Variants in DOK5 observed in about 807,000 individuals in gnomAD.
The protein encoded by DOK5 is downstream of tyrosine kinase 5.
In DOK5, 27 loss-of-function variants were observed where a neutral mutation model predicts 43.3. The observed-to-expected ratio is 0.62, with a 90% CI of 0.46 to 0.86. The LOEUF is 0.86. Ranked by LOEUF, DOK5 falls within the 40% of genes least tolerant of loss-of-function variation. The pLI is 0.00. For missense variants in DOK5, 373 were observed against 392.9 expected (o/e 0.95, Z 0.43); for synonymous variants, 146 against 140.1 (o/e 1.04, Z -0.30).
At chr20:54,487,415 G>T (rs984291718) in intron 1 of DOK5, among the ~76,000 whole-genome samples, 12 of 152,010 alleles carry the variant, frequency 7.9e-5, no homozygotes, top group African/African-American at 2.9e-4. Context: ...AGATAAGAAT[G>T]TGTGCTTCCT....
chr20:54,624,772 C>T (rs1273637243), intron 6 of DOK5, among the ~76,000 whole-genome samples: 1 of 152,184 alleles, frequency 6.6e-6, no homozygotes, highest in Non-Finnish European at 1.5e-5. Flanking sequence ...TGATGCAAAT[C>T]ACTTTCATTC....
At chr20:54,542,117 C>G (rs914885278) in intron 1 of DOK5, among the ~76,000 whole-genome samples, 14 of 151,624 alleles carry the variant, frequency 9.2e-5, no homozygotes, top group African/African-American at 2.9e-4. Flanking sequence ...CACACACACA[C>G]ACACACACAC....
intron 6 of DOK5, among the ~76,000 whole-genome samples, chr20:54,641,461 C>G (rs978388445): frequency 1.3e-5 from 2 of 151,354 alleles, no homozygotes; most frequent in Non-Finnish European, 2.9e-5. Flanking sequence ...GGGATGTGTA[C>G]AGTGGAGACT....
At chr20:54,602,224 C>T (rs964349160) in intron 5 of DOK5, among the ~76,000 whole-genome samples, 2 of 152,202 alleles carry the variant, frequency 1.3e-5, no homozygotes, top group African/African-American at 4.8e-5. Context: ...ATACAAAATG[C>T]AATCTCTCAC....
chr20:54,560,490 G>C (rs551895946), intron 2 of DOK5, among the ~76,000 whole-genome samples: 2 of 152,284 alleles, frequency 1.3e-5, no homozygotes, highest in East Asian at 3.9e-4. Flanking sequence ...GTTGACTGTA[G>C]TACAAAACAC....
intron 6 of DOK5, among the ~76,000 whole-genome samples, chr20:54,619,212 T>G (rs1359484141): frequency 6.8e-6 from 1 of 147,506 alleles, no homozygotes; most frequent in Non-Finnish European, 1.5e-5. Context: ...CTAAAGGGGG[T>G]GCTGGAAGAA....
chr20:54,643,587 G>T lies in DOK5; in HGVS notation c.856+9G>T. The T allele has an allele frequency of 6.2e-7, 1 of 1,610,670 alleles. No individual in the cohort carries two copies. On this transcript the variant is annotated intron_variant, in intron 7 of 7. Coordinates refer to ENST00000262593, the MANE Select transcript of DOK5 (RefSeq NM_018431.5). The stretch of plus-strand genomic sequence containing the variant: ...GCTCTACCGCTTGCAAGGTAAGCGT[G>T]GGGCTACCTGTGTCCAGGGTGTGGG...
In DOK5 at chr20:54,589,851, A is replaced by T. The variant is rs1985927164; in HGVS notation, c.409+1045A>T. On this transcript the variant is annotated intron_variant, in intron 4 of 7. Coordinates refer to ENST00000262593, the MANE Select transcript of DOK5 (RefSeq NM_018431.5). Reference sequence around the variant, plus strand: ...CATAACCCATCTCCATGGAAATGTTATTGACCGAGACCTAGAAGCCCTGGG... The same window carrying T: ...CATAACCCATCTCCATGGAAATGTTTTTGACCGAGACCTAGAAGCCCTGGG... Among the ~76,000 whole-genome samples the T allele has an allele frequency of 2.0e-5, 3 of 152,124 alleles. 1 individual carries two copies. The South Asian group carries it at 6.2e-4, about 32-fold the overall frequency.
chr20:54,617,900 C>T (rs140926384), intron 6 of DOK5, among the ~76,000 whole-genome samples: 122 of 152,284 alleles, frequency 8.0e-4, no homozygotes, highest in African/African-American at 2.8e-3. Flanking sequence ...ATTTTTCAGG[C>T]CTCCTACAAT....
intron 1 of DOK5, among the ~76,000 whole-genome samples, chr20:54,551,408 G>C (rs1018309508): frequency 1.2e-4 from 18 of 152,080 alleles, no homozygotes; most frequent in African/African-American, 4.3e-4. Flanking sequence ...ATTTTGATGA[G>C]GTCCAGTTTT....
rs193276482 is a variant in DOK5 at position 54,634,122 on chromosome 20, T to C, written c.736-9336T>C. On this transcript the variant is annotated intron_variant, in intron 6 of 7. Coordinates refer to ENST00000262593, the MANE Select transcript of DOK5 (RefSeq NM_018431.5). ...TGCATTTGGCAGGTATGGCAGACAG[T>C]TGTTTTTCTTTTCTCAGTGACAAGC... Among the ~76,000 whole-genome samples the C allele has an allele frequency of 3.2e-4, 48 of 152,260 alleles. 2 individuals carry two copies. Among genetic ancestry groups the C allele is most frequent in the Admixed American group, 1.6e-3 (25 of 15,286 alleles).
At chr20:54,546,951 G>T (rs1234839660) in intron 1 of DOK5, among the ~76,000 whole-genome samples, 1 of 152,118 alleles carries the variant, frequency 6.6e-6, no homozygotes, top group Non-Finnish European at 1.5e-5. Context: ...TAGAATCTTG[G>T]CTTATGGGGA....
Position 54,549,125 on chromosome 20 carries a change from G to A in DOK5, c.67-5808G>A, listed in dbSNP as rs11906709. On this transcript the variant is annotated intron_variant, in intron 1 of 7. Transcript: ENST00000262593. ...GGCAGCCCCAAGAGGGAGACACAGC[G>A]TCGTCTGAAAGTACTTTATAAATAT... Among the ~76,000 whole-genome samples the A allele has an allele frequency of 1.5e-3, 228 of 152,312 alleles. 1 individual carries two copies. Among genetic ancestry groups the A allele is most frequent in the African/African-American group, 3.5e-3 (144 of 41,560 alleles).
chr20:54,636,422 T>G (rs1978826443), intron 6 of DOK5, among the ~76,000 whole-genome samples: 1 of 152,202 alleles, frequency 6.6e-6, no homozygotes, highest in African/African-American at 2.4e-5. Flanking sequence ...TTCCTGCAAA[T>G]AATATCACTA....
At chr20:54,575,128 AACAG>A (rs1985411558) in intron 2 of DOK5, among the ~76,000 whole-genome samples, 1 of 152,244 alleles carries the variant, frequency 6.6e-6, no homozygotes, top group Non-Finnish European at 1.5e-5. Flanking sequence ...ACTGTGGAAA[AACAG>A]ACAGATCTAG....
chr20:54,476,154 TC>T, intron 1 of DOK5, 142 bp downstream of exon 1: 1 of 1,520,114 alleles, frequency 6.6e-7, no homozygotes, highest in East Asian at 2.4e-5. Flanking sequence ...AACCCGCGTC[TC>T]CGGGGCTGTC....
intron 1 of DOK5, among the ~76,000 whole-genome samples, chr20:54,484,216 T>C (rs1438431552): frequency 2.0e-5 from 3 of 151,968 alleles, no homozygotes; most frequent in East Asian, 1.9e-4. Flanking sequence ...CTGTCTCTAC[T>C]AAAAATACAA....
chr20:54,585,110 C>T (rs1314009405), intron 2 of DOK5, among the ~76,000 whole-genome samples: 1 of 152,024 alleles, frequency 6.6e-6, no homozygotes, highest in East Asian at 1.9e-4. Flanking sequence ...TTTCCATTAT[C>T]ACATTATGAA....
chr20:54,486,354 GTATT>G (rs1981933832), intron 1 of DOK5, among the ~76,000 whole-genome samples: 1 of 150,254 alleles, frequency 6.7e-6, no homozygotes, highest in South Asian at 2.1e-4. Flanking sequence ...ATATATGTCT[GTATT>G]TGTATATATA....
Sources: allele counts gnomAD v4.1 joint callset (sites outside exome capture counted in the v4.1 genomes callset), GRCh38; gene constraint gnomAD v4.1.1; transcripts MANE v1.5; gene names NCBI Gene and HGNC (gene_info 2026-07-23, HGNC 2026-07-21).